Variants in BRCA1 observed in about 807,000 individuals in gnomAD.
BRCA1 encodes BRCA1 DNA repair associated, also known as breast cancer type 1 susceptibility protein.
Under a neutral mutation model 173.7 loss-of-function variants are expected in BRCA1, and 140 were observed. The ratio of observed to expected loss-of-function variants is 0.81; its 90% CI spans 0.70 to 0.93. The LOEUF (loss-of-function observed/expected upper bound fraction) is 0.93. BRCA1 is among the 40% of genes least tolerant of loss of function. BRCA1 has a pLI of 0.00. For synonymous variants in BRCA1, 662 were observed against 756.0 expected (o/e 0.88, Z 2.04); for missense variants, 1,983 against 2,172.5 (o/e 0.91, Z 1.73).
chr17:43,056,454 C>T (rs951257465), intron 19 of BRCA1, among the ~76,000 whole-genome samples: 2 of 152,186 alleles, frequency 1.3e-5, no homozygotes, highest in East Asian at 1.9e-4. Flanking sequence ...GCTGGGATAA[C>T]AGGAACGAGC....
chr17:43,059,319 C>T (rs1324770533), intron 18 of BRCA1, among the ~76,000 whole-genome samples: 1 of 152,088 alleles, frequency 6.6e-6, no homozygotes, highest in Non-Finnish European at 1.5e-5. Flanking sequence ...CAAGTATTAG[C>T]CAGGCATTGT....
intron 11 of BRCA1, among the ~76,000 whole-genome samples, chr17:43,084,112 G>A (rs931529690): frequency 1.3e-5 from 2 of 151,398 alleles, no homozygotes; most frequent in Non-Finnish European, 2.9e-5. Flanking sequence ...TTCACTGCAA[G>A]CTCCGCCTCC....
chr17:43,061,728 ACATGCCACCACGCT>A (rs2051767317), intron 18 of BRCA1, among the ~76,000 whole-genome samples: 1 of 151,930 alleles, frequency 6.6e-6, no homozygotes, highest in Non-Finnish European at 1.5e-5. Context: ...GATTACAGGC[ACATGCCACCACGCT>A]CGACTAATTT....
At position 43,044,878 on chromosome 17, in the gene BRCA1, A is replaced by G. The variant is rs1555574136; in HGVS notation, c.*800T>C. 1 of 464,752 alleles carries G rather than the reference A, an allele frequency of 2.2e-6. No homozygotes were observed. The highest frequency in any genetic ancestry group is 4.1e-6 in the Non-Finnish European group (1 of 241,780). 28.8% of individuals were successfully genotyped at this position (464,752 alleles called of 1,614,324 possible). On this transcript the variant is annotated 3_prime_UTR_variant, in exon 23 of 23. Coordinates refer to ENST00000357654, the MANE Select transcript of BRCA1 (RefSeq NM_007294.4). ...GAGTGCCGTGGTATGATCTTGGCTC[A>G]CTGCAACCTCCACCTCCCGGGCTGA...
chr17:43,068,580 A>C (rs917132740), intron 15 of BRCA1, among the ~76,000 whole-genome samples: 2 of 151,754 alleles, frequency 1.3e-5, no homozygotes, highest in African/African-American at 4.8e-5. Context: ...AAAAAGAAAA[A>C]ATATATATTA....
intron 19 of BRCA1, among the ~76,000 whole-genome samples, chr17:43,056,202 T>G (rs1025506296): frequency 7.9e-5 from 12 of 151,260 alleles, no homozygotes; most frequent in Admixed American, 4.0e-4. Flanking sequence ...TTTTGAGATC[T>G]TCTGTCTGTC....
At chr17:43,127,166 C>T (rs765687131), upstream of BRCA1, among the ~76,000 whole-genome samples, 38 of 152,264 alleles carry the variant, frequency 2.5e-4, no homozygotes, top group Non-Finnish European at 4.0e-4. Context: ...TGCTCCTCAG[C>T]GCCCGGTCCC....
chr17:43,078,976 G>A (rs1271835290), intron 12 of BRCA1, among the ~76,000 whole-genome samples: 1 of 152,194 alleles, frequency 6.6e-6, no homozygotes, highest in Non-Finnish European at 1.5e-5. Flanking sequence ...GAGGTGGACA[G>A]ATCACCTGAG....
chr17:43,093,341 TTCTTC>T lies in BRCA1; in HGVS notation c.2185_2189del (p.Glu729LysfsTer9), dbSNP rs886040007. On this transcript the variant is annotated frameshift_variant, in exon 10 of 23. Transcript: ENST00000357654. LOFTEE classifies it high-confidence loss of function. ...TAACTGTTTCTAGTTTCTCTTCTTT[TTCTTC>T]TCTTGGAAGGCTAGGATTGACAAAT... is the stretch of plus-strand genomic sequence containing the variant. 6.2e-7 allele frequency: 1 copy of T among 1,613,540 alleles called. No homozygotes were observed. The highest frequency in any genetic ancestry group is 2.2e-5 in the East Asian group (1 of 44,872).
At chr17:43,146,967 C>G (rs950012241) in intron 1 of BRCA1, among the ~76,000 whole-genome samples, 2 of 151,988 alleles carry the variant, frequency 1.3e-5, no homozygotes, top group Non-Finnish European at 2.9e-5. Flanking sequence ...TGTTGAAGAT[C>G]TCATCCTCAC....
In BRCA1 at chr17:43,100,678, A is replaced by ATATATAAC. The variant is rs1491277616; in HGVS notation, c.442-799_442-798insGTTATATA. ...ATAACATATATATATATATATATAT[A>ATATATAAC]ATATATATATATATATATATATATG... On this transcript the variant is annotated intron_variant, in intron 6 of 22. Transcript: ENST00000357654. 1.1e-3 allele frequency among the ~76,000 whole-genome samples: 40 copies of ATATATAAC among 36,258 alleles called. 3 individuals carry two copies. Among genetic ancestry groups the ATATATAAC allele is most frequent in the Middle Eastern group, 0.023 (1 of 44 alleles). 23.8% of individuals were successfully genotyped at this position (36,258 alleles called of 152,430 possible). A position where few individuals can be genotyped will look rare whatever the true frequency, so the allele number is the denominator to read the frequency against.
intron 11 of BRCA1, among the ~76,000 whole-genome samples, chr17:43,089,590 C>T (rs1039466279): frequency 6.6e-6 from 1 of 150,728 alleles, no homozygotes. Flanking sequence ...TCTTGTTGCC[C>T]AGGCTGGAGA....
chr17:43,149,850 A>G (rs539909203), intron 1 of BRCA1, among the ~76,000 whole-genome samples: 12 of 152,156 alleles, frequency 7.9e-5, no homozygotes, highest in African/African-American at 2.9e-4. Flanking sequence ...GTGCAGTGGC[A>G]TGATCTCAGC....
upstream of BRCA1, among the ~76,000 whole-genome samples, chr17:43,126,525 G>A (rs868099576): frequency 7.4e-4 from 113 of 152,312 alleles, 1 homozygote; most frequent in Non-Finnish European, 1.3e-3. Context: ...TTCAAGGGAG[G>A]AATCCTGCAA....
At chr17:43,130,567 G>A (rs2055957188) in intron 1 of BRCA1, among the ~76,000 whole-genome samples, 1 of 152,170 alleles carries the variant, frequency 6.6e-6, no homozygotes. Context: ...GCCTGCCTCT[G>A]CTTCCCAAAA....
At chr17:43,161,664 G>C (rs1567836179) in intron 1 of BRCA1, 1 of 152,146 alleles carries the variant, frequency 6.6e-6, no homozygotes, top group Non-Finnish European at 1.5e-5. Flanking sequence ...CTTCCTACAG[G>C]AAGGGTGAAG....
chr17:43,075,449 G>A (rs1411030440), intron 13 of BRCA1, among the ~76,000 whole-genome samples: 1 of 152,160 alleles, frequency 6.6e-6, no homozygotes, highest in East Asian at 1.9e-4. Context: ...CAGATTTAAA[G>A]GGCCTCAGAG....
In BRCA1 at chr17:43,079,459, C is replaced by T. The variant is rs2154109326; in HGVS notation, c.4358-2845G>A. On this transcript the variant is annotated intron_variant, in intron 12 of 22. Transcript: ENST00000357654. ...ACGGGTACTGTTCAAAAAGGAATGC[C>T]CCACAAGTGTTACCATGGCAAAACT... 2.8e-6 allele frequency: 4 copies of T among 1,447,932 alleles called. No homozygotes were observed. In the South Asian group the frequency reaches 3.4e-5, roughly 12 times the overall value. 89.7% of individuals were successfully genotyped at this position (1,447,932 alleles called of 1,614,324 possible). A position where few individuals can be genotyped will look rare whatever the true frequency, so the allele number is the denominator to read the frequency against.
intron 1 of BRCA1, among the ~76,000 whole-genome samples, chr17:43,131,844 C>T (rs544691555): frequency 5.3e-5 from 8 of 152,130 alleles, no homozygotes; most frequent in East Asian, 1.9e-4. Context: ...AGTGCAGTGG[C>T]GCAATCTCAG....
Sources: allele counts gnomAD v4.1 joint callset (sites outside exome capture counted in the v4.1 genomes callset), GRCh38; gene constraint gnomAD v4.1.1; transcripts MANE v1.5; gene names NCBI Gene and HGNC (gene_info 2026-07-23, HGNC 2026-07-21).